EPB41L2: variants seen among roughly 807,000 people sequenced by gnomAD.
EPB41L2 encodes the protein band 4.1-like protein 2.
EPB41L2 carries 43 observed loss-of-function variants against 113.0 expected under a neutral mutation model. That is an observed-to-expected ratio of 0.38 (90% CI 0.30 to 0.49). EPB41L2 has a LOEUF of 0.49. EPB41L2 is among the 20% of genes least tolerant of loss of function. EPB41L2 has a pLI of 0.95. For missense variants in EPB41L2, 1,147 were observed against 1,223.4 expected, an observed-to-expected ratio of 0.94 and a Z score of 0.93; for synonymous variants, 442 against 436.7, an observed-to-expected ratio of 1.01 and a Z score of -0.15.
intron 1 of EPB41L2, among the ~76,000 whole-genome samples, chr6:131,002,414 C>T (rs538650937): frequency 6.6e-6 from 1 of 152,172 alleles, no homozygotes; most frequent in Non-Finnish European, 1.5e-5. Flanking sequence ...ATAACCTAGA[C>T]CGCTAACACA....
At chr6:130,943,933 G>GA (rs1344446291) in intron 3 of EPB41L2, among the ~76,000 whole-genome samples, 3 of 152,118 alleles carry the variant, frequency 2.0e-5, no homozygotes, top group South Asian at 4.1e-4. Context: ...TCTGAGCTGT[G>GA]AATGTGAGCT....
intron 1 of EPB41L2, among the ~76,000 whole-genome samples, chr6:131,005,494 G>A (rs1785288290): frequency 6.6e-6 from 1 of 152,172 alleles, no homozygotes; most frequent in Non-Finnish European, 1.5e-5. Context: ...ACTCTAGAAT[G>A]TTTAAAGTCA....
intron 1 of EPB41L2, among the ~76,000 whole-genome samples, chr6:130,996,967 A>T (rs1049842528): frequency 1.3e-5 from 2 of 152,228 alleles, no homozygotes; most frequent in African/African-American, 4.8e-5. Context: ...TTTTAAGGGC[A>T]GTACAAAACA....
intron 1 of EPB41L2, among the ~76,000 whole-genome samples, chr6:131,043,399 A>G (rs545709154): frequency 1.7e-3 from 260 of 152,324 alleles, no homozygotes; most frequent in Middle Eastern, 6.8e-3. Context: ...AACAAAACCA[A>G]TGAAGTATTA....
chr6:131,036,520 G>A (rs1363465243), intron 1 of EPB41L2, among the ~76,000 whole-genome samples: 1 of 152,290 alleles, frequency 6.6e-6, no homozygotes, highest in Admixed American at 6.5e-5. Flanking sequence ...GAAATCAAAC[G>A]AATGGGATTC....
At chr6:130,880,492 GA>G (rs1423439294) in intron 12 of EPB41L2, 1 of 650,700 alleles carries the variant, frequency 1.5e-6, no homozygotes, top group Non-Finnish European at 2.7e-6. Context: ...ATCTTCGCCT[GA>G]AAAGTCACAC....
intron 19 of EPB41L2, among the ~76,000 whole-genome samples, chr6:130,846,181 A>C (rs972129841): frequency 6.6e-6 from 1 of 152,224 alleles, no homozygotes; most frequent in Admixed American, 6.5e-5. Context: ...GATCAGTGGC[A>C]GCGAATGACC....
chr6:131,012,493 A>G (rs1298899409), intron 1 of EPB41L2, among the ~76,000 whole-genome samples: 1 of 147,648 alleles, frequency 6.8e-6, no homozygotes, highest in Non-Finnish European at 1.5e-5. Context: ...GGGAACCACC[A>G]TACTAGATGA....
intron 1 of EPB41L2, among the ~76,000 whole-genome samples, chr6:131,043,819 G>A (rs1156978703): frequency 1.3e-5 from 2 of 152,104 alleles, no homozygotes; most frequent in African/African-American, 4.8e-5. Context: ...GATACGTAGT[G>A]AAGTATATGT....
At chr6:130,946,875 GT>G (rs1311414047) in intron 3 of EPB41L2, among the ~76,000 whole-genome samples, 2 of 152,010 alleles carry the variant, frequency 1.3e-5, no homozygotes, top group South Asian at 2.1e-4. Context: ...TTTAAAGGGG[GT>G]ACTTTTGTTG....
chr6:130,903,655 T>C (rs1431208915), intron 6 of EPB41L2, among the ~76,000 whole-genome samples: 1 of 148,032 alleles, frequency 6.8e-6, no homozygotes, highest in Non-Finnish European at 1.5e-5. Context: ...TTTAAAAATA[T>C]GGTATATAAA....
intron 19 of EPB41L2, among the ~76,000 whole-genome samples, chr6:130,856,834 A>G (rs995801524): frequency 3.3e-5 from 5 of 152,232 alleles, no homozygotes; most frequent in Non-Finnish European, 5.9e-5. Flanking sequence ...TATCACATGG[A>G]AACAGCATAA....
intron 7 of EPB41L2, among the ~76,000 whole-genome samples, chr6:130,900,010 T>C (rs575875110): frequency 6.6e-6 from 1 of 152,350 alleles, no homozygotes; most frequent in Admixed American, 6.5e-5. Flanking sequence ...ATACCTATGA[T>C]AGGTAACACA....
At chr6:130,962,695 T>C (rs746798125) in intron 1 of EPB41L2, among the ~76,000 whole-genome samples, 1 of 152,236 alleles carries the variant, frequency 6.6e-6, no homozygotes, top group Non-Finnish European at 1.5e-5. Flanking sequence ...CAATCTTCCC[T>C]AGTTCAAGTC....
At chr6:130,961,653 C>T (rs1178600544) in intron 1 of EPB41L2, among the ~76,000 whole-genome samples, 2 of 152,124 alleles carry the variant, frequency 1.3e-5, no homozygotes, top group Non-Finnish European at 2.9e-5. Context: ...TCAGATGTTT[C>T]CTTAAAACAT....
At chr6:130,850,135 G>A (rs1004597489) in intron 19 of EPB41L2, among the ~76,000 whole-genome samples, 1 of 152,128 alleles carries the variant, frequency 6.6e-6, no homozygotes, top group Non-Finnish European at 1.5e-5. Flanking sequence ...CTACTCGGGA[G>A]GCTGAGGTAG....
At position 130,862,603 on chromosome 6, in the gene EPB41L2, T is replaced by C. The variant is rs144583920; in HGVS notation, c.2910+1035A>G. 7.5e-4 allele frequency among the ~76,000 whole-genome samples: 115 copies of C among 152,358 alleles called. 1 individual carries two copies. Among genetic ancestry groups the C allele is most frequent in the Admixed American group, 1.8e-3 (28 of 15,308 alleles). ...TCTAGGAATCTCCAGTCCTATGTCC[T>C]ATGTCAAAATCCAGAGTCAAGGCAA... On this transcript the variant is annotated intron_variant, in intron 18 of 19. Coordinates refer to ENST00000337057, the MANE Select transcript of EPB41L2 (RefSeq NM_001431.4).
At chr6:130,986,114 T>C (rs1756724298) in intron 1 of EPB41L2, among the ~76,000 whole-genome samples, 1 of 152,146 alleles carries the variant, frequency 6.6e-6, no homozygotes, top group Admixed American at 6.6e-5. Flanking sequence ...AGGGATCATA[T>C]GTCGTGGGCA....
At chr6:131,013,480 G>A (rs921735909) in intron 1 of EPB41L2, 5 of 151,958 alleles carry the variant, frequency 3.3e-5, no homozygotes, top group Non-Finnish European at 7.4e-5. Context: ...CATTTTCAAG[G>A]GGTTGAGATT....
Sources: allele counts gnomAD v4.1 joint callset (sites outside exome capture counted in the v4.1 genomes callset), GRCh38; gene constraint gnomAD v4.1.1; transcripts MANE v1.5; gene names NCBI Gene and HGNC (gene_info 2026-07-23, HGNC 2026-07-21).